CD1B: variants seen among roughly 807,000 people sequenced by gnomAD.
CD1B encodes CD1b molecule.
Under a neutral mutation model 39.8 loss-of-function variants are expected in CD1B, and 43 were observed. That is an observed-to-expected ratio of 1.08 (90% CI 0.85 to 1.39). CD1B has a LOEUF of 1.39. Ranked by LOEUF, CD1B falls within the 40% of genes most tolerant of loss-of-function variation. CD1B has a pLI of 0.00. For missense variants in CD1B, 495 were observed against 403.8 expected (o/e 1.23, Z -1.94); for synonymous variants, 192 against 152.5 (o/e 1.26, Z -1.91).
chr1:158,317,102 TATTG>T, the CD1B span, among the ~76,000 whole-genome samples: 1 of 151,952 alleles, frequency 6.6e-6, no homozygotes, highest in East Asian at 1.9e-4. Context: ...TCATCAAGGA[TATTG>T]ATTGGTCTAA....
At chr1:158,290,687 G>C in the CD1B span, among the ~76,000 whole-genome samples, 1 of 152,164 alleles carries the variant, frequency 6.6e-6, no homozygotes, top group Admixed American at 6.5e-5. Context: ...AAGGAAGTCA[G>C]AATATAGATG....
At chr1:158,313,255 T>A in the CD1B span, among the ~76,000 whole-genome samples, 9 of 152,152 alleles carry the variant, frequency 5.9e-5, no homozygotes, top group Non-Finnish European at 1.3e-4. Context: ...TTGCTAGCAT[T>A]TTCTTGAGGA....
the CD1B span, chr1:158,292,658 T>A: frequency 6.2e-7 from 1 of 1,613,624 alleles, no homozygotes; most frequent in Non-Finnish European, 8.5e-7. Flanking sequence ...GTTGCTGGTT[T>A]GTCATGCCTC....
At chr1:158,298,286 C>A in the CD1B span, among the ~76,000 whole-genome samples, 6 of 152,170 alleles carry the variant, frequency 3.9e-5, no homozygotes, top group East Asian at 1.2e-3. Context: ...TGTTATCATA[C>A]AATAATGGTG....
chr1:158,321,636 A>T, the CD1B span, among the ~76,000 whole-genome samples: 1 of 152,144 alleles, frequency 6.6e-6, no homozygotes, highest in South Asian at 2.1e-4. Flanking sequence ...ATTCTCCAAC[A>T]TTATGCTTTG....
chr1:158,314,101 T>C, the CD1B span, among the ~76,000 whole-genome samples: 9 of 152,214 alleles, frequency 5.9e-5, no homozygotes, highest in Non-Finnish European at 1.3e-4. Flanking sequence ...TTTTTGATTT[T>C]TGAGACAGAG....
At chr1:158,300,868 C>T in the CD1B span, among the ~76,000 whole-genome samples, 33 of 150,468 alleles carry the variant, frequency 2.2e-4, no homozygotes, top group Non-Finnish European at 3.7e-4. Context: ...ATACCATTCT[C>T]CTGCTTGAGC....
chr1:158,324,670 A>T (rs1282032443), downstream of CD1B, among the ~76,000 whole-genome samples: 3 of 152,050 alleles, frequency 2.0e-5, no homozygotes, highest in Admixed American at 6.5e-5. Context: ...ATTTTTTTTT[A>T]GGTTTTCCCC....
the CD1B span, among the ~76,000 whole-genome samples, chr1:158,319,236 C>T: frequency 1.3e-5 from 2 of 151,670 alleles, no homozygotes; most frequent in African/African-American, 2.4e-5. Flanking sequence ...GGAAGTTCTC[C>T]TGGATAATAT....
chr1:158,312,492 C>A, the CD1B span, among the ~76,000 whole-genome samples: 1 of 152,120 alleles, frequency 6.6e-6, no homozygotes, highest in Admixed American at 6.6e-5. Flanking sequence ...TGAACTAGTA[C>A]AAAATACCTT....
At chr1:158,292,720 G>A in the CD1B span, 68 of 1,614,078 alleles carry the variant, frequency 4.2e-5, no homozygotes, top group Non-Finnish European at 5.6e-5. Flanking sequence ...ATGAACAGGA[G>A]CAACTGGGCA....
At chr1:158,329,346 G>A in intron 4 of CD1B, 24 bp downstream of exon 4, 1 of 1,599,854 alleles carries the variant, frequency 6.3e-7, no homozygotes, top group African/African-American at 1.3e-5. Flanking sequence ...GGCATTTCCA[G>A]CCTGGGTCCC....
the CD1B span, among the ~76,000 whole-genome samples, chr1:158,318,649 T>C: frequency 6.6e-6 from 1 of 152,198 alleles, no homozygotes; most frequent in Non-Finnish European, 1.5e-5. Flanking sequence ...AATTGGAGCA[T>C]TTAGTCCATT....
chr1:158,315,465 G>T, the CD1B span, among the ~76,000 whole-genome samples: 3 of 151,972 alleles, frequency 2.0e-5, no homozygotes, highest in African/African-American at 7.3e-5. Context: ...CTTTTGAGAA[G>T]TGTCTGTTCA....
chr1:158,328,960 A>T lies in CD1B; in HGVS notation c.941T>A (p.Leu314His). 5 of 1,613,928 alleles carry T rather than the reference A, an allele frequency of 3.1e-6. No homozygotes were observed. Among genetic ancestry groups the T allele is most frequent in the Non-Finnish European group, 3.4e-6 (4 of 1,179,912 alleles). The change falls in exon 5 of 6, where the codon CTC (leucine) becomes CAC (histidine). Residue 314 changes from leucine (L) to histidine (H), a missense_variant. Leu to His is a moderately conservative substitution (Grantham distance 99, BLOSUM62 -3). Coordinates refer to ENST00000368168, the MANE Select transcript of CD1B (RefSeq NM_001764.3). ...IVLAIIVPSL[L>H]LLLCLALWYM... ...CCATAATGCAAGGCATAGCAAAAGG[A>T]GCAAGGAAGGCACTATTATTGCCAA...
At chr1:158,305,173 A>G in the CD1B span, among the ~76,000 whole-genome samples, 1 of 152,110 alleles carries the variant, frequency 6.6e-6, no homozygotes, top group Admixed American at 6.6e-5. Context: ...CATCGCAAAG[A>G]AGTTAAAAAT....
the CD1B span, among the ~76,000 whole-genome samples, chr1:158,319,284 G>A: frequency 5.3e-5 from 8 of 151,880 alleles, no homozygotes; most frequent in Admixed American, 1.3e-4. Context: ...CATTCTCCCC[G>A]TCACTTTCAG....
At chr1:158,330,236 G>A (rs1475447319) in intron 2 of CD1B, 106 bp from the exon 3 acceptor site, 14 of 1,021,556 alleles carry the variant, frequency 1.4e-5, no homozygotes, top group Non-Finnish European at 2.0e-5. Context: ...GTTATTTGGT[G>A]TAAAATGATG....
At chr1:158,285,978 G>A in the CD1B span, among the ~76,000 whole-genome samples, 1 of 152,156 alleles carries the variant, frequency 6.6e-6, no homozygotes, top group Non-Finnish European at 1.5e-5. Flanking sequence ...GGATGACAGA[G>A]CTGTGTGGGG....
Sources: gnomAD v4.1 joint callset for allele counts (sites outside exome capture counted in the v4.1 genomes callset) on GRCh38, gnomAD v4.1.1 for gene constraint, MANE v1.5 for transcripts, NCBI Gene and HGNC (gene_info 2026-07-23, HGNC 2026-07-21) for gene names.